Variants in MARK2 observed in about 807,000 individuals in gnomAD.
The protein encoded by MARK2 is serine/threonine-protein kinase MARK2.
In MARK2, 16 loss-of-function variants were observed where a neutral mutation model predicts 89.8. That is an observed-to-expected ratio of 0.18 (90% CI 0.12 to 0.27). MARK2 has a LOEUF of 0.27. MARK2 is among the 10% of genes least tolerant of loss of function. The probability of loss-of-function intolerance (pLI) is 1.00; values close to 1 mark genes in which losing one functional copy is unlikely to be tolerated. For synonymous variants in MARK2, 382 were observed against 399.5 expected, an observed-to-expected ratio of 0.96 and a Z score of 0.52; for missense variants, 621 against 1,049.9, an observed-to-expected ratio of 0.59 and a Z score of 5.65.
At chr11:63,866,676 TAAAC>T (rs1938151155) in intron 1 of MARK2, among the ~76,000 whole-genome samples, 1 of 152,230 alleles carries the variant, frequency 6.6e-6, no homozygotes, top group Admixed American at 6.5e-5. Context: ...AGATTTTAAA[TAAAC>T]CTATTCCCAT....
At position 63,902,768 on chromosome 11, in the gene MARK2, C is replaced by T; in HGVS notation, c.1402C>T (p.Pro468Ser). The T allele has an allele frequency of 3.1e-6, 5 of 1,612,030 alleles. No homozygotes were observed. The highest frequency in any genetic ancestry group is 4.2e-6 in the Non-Finnish European group (5 of 1,179,208). Residue 468 changes from proline to serine, a missense_variant, in exon 13 of 19, where the codon CCA becomes TCA. Transcript: ENST00000402010. This position sits in a 1 kb window ranked among gnomAD's most constrained non-coding sequence, Gnocchi z 4.2. ...LPGLERKKTT[P>S]TPSTNSVLST... ...CGGTCTGGAGAGGAAGAAGACCACC[C>T]CAACCCCCTCCACGGTGAGCCGCAC...
chr11:63,875,189 C>A (rs1406864431), intron 1 of MARK2, among the ~76,000 whole-genome samples: 1 of 145,548 alleles, frequency 6.9e-6, no homozygotes, highest in African/African-American at 2.6e-5. Flanking sequence ...GGTGCGATCT[C>A]GGCTCACTAC....
Position 63,900,013 on chromosome 11 carries a change from A to G in MARK2, c.671A>G (p.Lys224Arg), listed in dbSNP as rs770568484. ...GCTGCCCCAGAACTCTTCCAGGGCA[A>G]AAAATATGATGGACCCGAGGTGGAT... ...PYAAPELFQG[K>R]KYDGPEVDVW... Residue 224 changes from lysine (K) to arginine (R), a missense_variant, in exon 8 of 19, where the codon AAA (lysine) becomes AGA (arginine). Lys to Arg is a conservative substitution (Grantham distance 26). Coordinates refer to ENST00000402010, the MANE Select transcript of MARK2 (RefSeq NM_001039469.3). This position sits in a 1 kb window ranked among gnomAD's most constrained non-coding sequence, Gnocchi z 4.7. 3 of 1,614,098 alleles carry G rather than the reference A, an allele frequency of 1.9e-6. No homozygotes were observed.
At chr11:63,908,119 AGGTGAT>A in intron 17 of MARK2, 135 bp from the exon 18 acceptor site, 2 of 691,118 alleles carry the variant, frequency 2.9e-6, no homozygotes, top group South Asian at 3.5e-5. Context: ...TTGGCTTGCC[AGGTGAT>A]GGGCAGAGGG....
intron 1 of MARK2, among the ~76,000 whole-genome samples, chr11:63,877,227 G>A (rs1031887630): frequency 6.7e-6 from 1 of 148,632 alleles, no homozygotes; most frequent in African/African-American, 2.5e-5. Context: ...CCTCCCACCT[G>A]GGCCTCCTGA....
chr11:63,895,686 T>TTTTTTAA, intron 3 of MARK2, 53 bp downstream of exon 3: 1 of 1,059,830 alleles, frequency 9.4e-7, no homozygotes, highest in Non-Finnish European at 1.3e-6. Context: ...TTTTTTTTTT[T>TTTTTTAA]GAGTCAGAGC....
intron 1 of MARK2, among the ~76,000 whole-genome samples, chr11:63,850,963 C>G (rs546947042): frequency 1.3e-5 from 2 of 152,310 alleles, no homozygotes; most frequent in South Asian, 4.1e-4. Context: ...TTCCTTTCTT[C>G]AAGTACGGTA....
intron 3 of MARK2, among the ~76,000 whole-genome samples, chr11:63,896,116 G>A (rs771303700): frequency 6.6e-6 from 1 of 152,202 alleles, no homozygotes; most frequent in Non-Finnish European, 1.5e-5. Flanking sequence ...TACCTTCGGG[G>A]CTTTGGTTGG....
At chr11:63,857,703 A>G (rs1399298038) in intron 1 of MARK2, among the ~76,000 whole-genome samples, 2 of 152,256 alleles carry the variant, frequency 1.3e-5, no homozygotes, top group Non-Finnish European at 2.9e-5. Flanking sequence ...ACTGATAGAT[A>G]AAATTCATAT....
intron 1 of MARK2, among the ~76,000 whole-genome samples, chr11:63,842,367 C>G (rs2016062333): frequency 6.6e-6 from 1 of 152,128 alleles, no homozygotes; most frequent in African/African-American, 2.4e-5. Flanking sequence ...CAGGCACACA[C>G]CGCCACGCCC....
intron 1 of MARK2, among the ~76,000 whole-genome samples, chr11:63,892,018 CTGTT>C (rs979085264): frequency 1.3e-5 from 2 of 152,240 alleles, no homozygotes; most frequent in Non-Finnish European, 2.9e-5. Context: ...CTTGCAGACA[CTGTT>C]TGAGGACCAA....
At chr11:63,887,725 T>TAGA (rs10675069) in intron 1 of MARK2, among the ~76,000 whole-genome samples, 74,064 of 151,926 alleles carry the variant, frequency 0.49, 20,126 homozygotes, top group East Asian at 0.89. Flanking sequence ...GTCGTTGGTC[T>TAGA]AGAAGGGGAG....
At chr11:63,854,226 G>T (rs1270679904) in intron 1 of MARK2, among the ~76,000 whole-genome samples, 1 of 141,540 alleles carries the variant, frequency 7.1e-6, no homozygotes, top group African/African-American at 2.6e-5. Context: ...GTGTGACAAG[G>T]TCTCACTGTG....
At chr11:63,876,631 C>T (rs1938771844) in intron 1 of MARK2, among the ~76,000 whole-genome samples, 1 of 152,158 alleles carries the variant, frequency 6.6e-6, no homozygotes, top group Non-Finnish European at 1.5e-5. Context: ...TTTGGGTCTT[C>T]GTTTATGCCG....
Position 63,857,276 on chromosome 11 carries a change from C to T in MARK2, c.54+17716C>T, listed in dbSNP as rs113196710. Among the ~76,000 whole-genome samples the T allele has an allele frequency of 7.4e-3, 1,123 of 152,304 alleles. 11 individuals carry two copies. Among genetic ancestry groups the T allele is most frequent in the African/African-American group, 0.026 (1,060 of 41,552 alleles). On this transcript the variant is annotated intron_variant, in intron 1 of 18. Transcript: ENST00000402010. The stretch of plus-strand genomic sequence containing the variant: ...CCACCTCCCAGGTTCAAGCAGTTCT[C>T]CTGCCTCTGCCTTCCCAGTAGCTGG...
intron 1 of MARK2, among the ~76,000 whole-genome samples, chr11:63,849,097 T>C (rs1355781268): frequency 6.6e-6 from 1 of 152,072 alleles, no homozygotes; most frequent in Non-Finnish European, 1.5e-5. Context: ...CTCAAATAGC[T>C]CCTAGGCTCA....
At chr11:63,847,588 C>T (rs2016346732) in intron 1 of MARK2, among the ~76,000 whole-genome samples, 1 of 152,236 alleles carries the variant, frequency 6.6e-6, no homozygotes, top group Non-Finnish European at 1.5e-5. Context: ...TCCTTTGGGG[C>T]TGTGTTCGTT....
At chr11:63,871,137 T>G (rs1938423206) in intron 1 of MARK2, among the ~76,000 whole-genome samples, 1 of 152,206 alleles carries the variant, frequency 6.6e-6, no homozygotes, top group Non-Finnish European at 1.5e-5. Flanking sequence ...TGTGTGTACG[T>G]GCGTGCATAC....
rs1336054749 is a variant in MARK2 at position 63,902,151 on chromosome 11, C to T, written c.1102-47C>T. On this transcript the variant is annotated intron_variant, in intron 11 of 18. Coordinates refer to ENST00000402010, the MANE Select transcript of MARK2 (RefSeq NM_001039469.3). The surrounding 1 kb of genome is among the most constrained non-coding windows in gnomAD (Gnocchi z 4.2). The stretch of plus-strand genomic sequence containing the variant: ...TAAATGTGTCCATCCATAGGGATCT[C>T]CACATGACTTCTGCCCTCCCTTGAA... 6.2e-7 allele frequency: 1 copy of T among 1,608,866 alleles called. No individual in the cohort carries two copies. Among genetic ancestry groups the T allele is most frequent in the South Asian group, 1.1e-5 (1 of 90,882 alleles).
Sources: gnomAD v4.1 joint callset for allele counts (sites outside exome capture counted in the v4.1 genomes callset) on GRCh38, gnomAD v4.1.1 for gene constraint, Gnocchi (gnomAD v3.1) non-coding constraint, MANE v1.5 for transcripts, NCBI Gene and HGNC (gene_info 2026-07-23, HGNC 2026-07-21) for gene names.